ARMCX4: variants seen among roughly 807,000 people sequenced by gnomAD.
ARMCX4 encodes the protein armadillo repeat-containing X-linked protein 4.
In ARMCX4, 3 loss-of-function variants were observed where a neutral mutation model predicts 34.7. The ratio of observed to expected loss-of-function variants is 0.09; its 90% confidence interval spans 0.04 to 0.22. The LOEUF is 0.22. Ranked by LOEUF, ARMCX4 falls within the 10% of genes least tolerant of loss-of-function variation. ARMCX4 has a pLI of 1.00. For missense variants in ARMCX4, 1,448 were observed against 1,720.8 expected (o/e 0.84, Z 2.81); for synonymous variants, 513 against 632.8 (o/e 0.81, Z 2.84).
At chrX:101,531,870 A>G (rs1935136474) in exon 12 of ARMCX4, 1 of 112,012 alleles carries the variant, frequency 8.9e-6, no homozygotes, top group Non-Finnish European at 1.9e-5. Context: ...CCTCATGGAA[A>G]TGAATATGTA....
intron 2 of ARMCX4, among the ~76,000 whole-genome samples, chrX:101,421,053 G>C (rs1206964243): frequency 9.2e-6 from 1 of 109,040 alleles, no homozygotes; most frequent in Non-Finnish European, 1.9e-5. Context: ...AATACAAAAA[G>C]TTAGCCGGGC....
At chrX:101,488,406 A>G in intron 5 of ARMCX4, 38 bp from the exon 6 acceptor site, 1 of 1,080,471 alleles carries the variant, frequency 9.3e-7, no homozygotes, top group Non-Finnish European at 1.2e-6. Context: ...ACAAAATCAG[A>G]AGAGAAATTT....
rs1556011233 is a variant in ARMCX4, at chrX:101,494,518, A to G, written c.5929A>G (p.Ile1977Val). 2.6e-6 allele frequency: 3 copies of G among 1,155,735 alleles called. No homozygotes were observed. The highest frequency in any genetic ancestry group is 2.6e-5 in the Admixed American group (1 of 38,762). ...CAAAAAGTCATCTGAGTCAAGAGGC[A>G]TATATCCGTACATGGTCCCTGGGGC... The part of the protein sequence containing the change: ...KAKKSSESRG[I>V]YPYMVPGAGM... Residue 1977 changes from isoleucine (I) to valine (V), a missense_variant, in exon 6 of 6, where the codon ATA (isoleucine) becomes GTA (valine). Transcript: ENST00000423738.
At chrX:101,515,439 C>G (rs1458089714) in intron 11 of ARMCX4, among the ~76,000 whole-genome samples, 2 of 50,758 alleles carry the variant, frequency 3.9e-5, no homozygotes, top group East Asian at 1.3e-3. Context: ...TCCTTCCTTC[C>G]TTCCTTCCTT....
chrX:101,533,282 A>G (rs1935166515), exon 13 of ARMCX4: 1 of 110,573 alleles, frequency 9.0e-6, no homozygotes, highest in Admixed American at 9.8e-5. Context: ...CCCCTCCTCC[A>G]TGACTCTAGC....
Position 101,495,081 on chromosome X carries a change from T to C in ARMCX4, c.6492T>C (p.Tyr2164=). Residue 2164 remains tyrosine, a synonymous_variant, in exon 6 of 6, where the codon TAT becomes TAC. Coordinates refer to ENST00000423738, the MANE Select transcript of ARMCX4 (RefSeq NM_001256155.3). The part of the protein sequence containing the change: ...TSEYQHMVTN[Y]ISEFLRLLTV... ...AATATCAGCATATGGTTACAAATTA[T>C]ATTTCAGAATTTCTTCGTTTGTTAA... The C allele has an allele frequency of 8.7e-7, 1 of 1,153,869 alleles. No individual in the cohort carries two copies.
At chrX:101,534,083 G>A (rs6621097), downstream of ARMCX4, among the ~76,000 whole-genome samples, 70 of 111,718 alleles carry the variant, frequency 6.3e-4, 1 homozygote, top group East Asian at 0.019. Flanking sequence ...CAATAGCCAT[G>A]GGAAAAGATA....
intron 11 of ARMCX4, among the ~76,000 whole-genome samples, chrX:101,521,617 A>T (rs1220241361): frequency 1.8e-5 from 2 of 109,622 alleles, no homozygotes; most frequent in Non-Finnish European, 3.8e-5. Flanking sequence ...TTTTCACAGT[A>T]TCTTTAGGTT....
chrX:101,496,207 G>A (rs782213262), downstream of ARMCX4, among the ~76,000 whole-genome samples: 5 of 110,416 alleles, frequency 4.5e-5, no homozygotes, highest in Non-Finnish European at 9.4e-5. Flanking sequence ...TGCTAAACTG[G>A]GGTGTCTGAA....
chrX:101,515,989 A>G (rs781831141), intron 11 of ARMCX4, among the ~76,000 whole-genome samples: 2 of 112,171 alleles, frequency 1.8e-5, no homozygotes, highest in Non-Finnish European at 3.8e-5. Context: ...GATTCTTTAT[A>G]GAAATAATAT....
chrX:101,441,538 A>C (rs1331480083), intron 2 of ARMCX4, among the ~76,000 whole-genome samples: 2 of 110,319 alleles, frequency 1.8e-5, no homozygotes, highest in Non-Finnish European at 1.9e-5. Flanking sequence ...AGAGCAGTAC[A>C]GATGTGTGCA....
rs782764783 is a variant in ARMCX4, at chrX:101,432,873, CAT to C, written n.165-11176_165-11175del. 3.9e-3 allele frequency among the ~76,000 whole-genome samples: 306 copies of C among 79,471 alleles called. 5 individuals carry two copies. Among genetic ancestry groups the C allele is most frequent in the African/African-American group, 0.011 (253 of 22,776 alleles). 69.0% of individuals were successfully genotyped at this position (79,471 alleles called of 115,157 possible). ...GTGTATATATACACGTATATATACA[CAT>C]ATGTATACGTGTGTATATATACGTG... is the stretch of plus-strand genomic sequence containing the variant. On this transcript the variant is annotated intron_variant and non_coding_transcript_variant, in intron 2 of 3. Coordinates refer to the ARMCX4 transcript ENST00000430461.
At position 101,420,990 on chromosome X, in the gene ARMCX4, G is replaced by A. The variant is rs1383543046; in HGVS notation, n.164+1990G>A. 1.8e-5 allele frequency among the ~76,000 whole-genome samples: 2 copies of A among 111,197 alleles called. 1 individual carries two copies. The highest frequency in any genetic ancestry group is 3.8e-5 in the Non-Finnish European group (2 of 52,952). Reference sequence around the variant, plus strand: ...AGGCAGGTGGATCACCTGAGGTCGGGCATTCGAGACCAGCCTGGCCAACCA... The same window carrying A: ...AGGCAGGTGGATCACCTGAGGTCGGACATTCGAGACCAGCCTGGCCAACCA... On this transcript the variant is annotated intron_variant and non_coding_transcript_variant, in intron 2 of 3. Transcript: ENST00000430461.
chrX:101,482,388 A>ATTCTTTTCTT (rs76465820), upstream of ARMCX4, among the ~76,000 whole-genome samples: 11 of 107,747 alleles, frequency 1.0e-4, no homozygotes, highest in African/African-American at 2.7e-4. Flanking sequence ...GGGTTTGACT[A>ATTCTTTTCTT]TTCTTTTCTT....
In ARMCX4 at chrX:101,488,612, G is replaced by T; in HGVS notation, c.23G>T (p.Gly8Val). 2 of 1,156,185 alleles carry T rather than the reference G, an allele frequency of 1.7e-6. No homozygotes were observed. Among genetic ancestry groups the T allele is most frequent in the Non-Finnish European group, 2.3e-6 (2 of 873,056 alleles). The change falls in exon 6 of 6, where the codon GGC becomes GTC. Residue 8 changes from glycine (G) to valine (V), a missense_variant. Coordinates refer to ENST00000423738, the MANE Select transcript of ARMCX4 (RefSeq NM_001256155.3). MGRIQEV[G>V]WVTAGLVIWA... ...TACATGGGCCGCATTCAGGAAGTGG[G>T]CTGGGTGACTGCAGGACTGGTGATC...
At chrX:101,433,751 T>C (rs1285332370) in intron 2 of ARMCX4, among the ~76,000 whole-genome samples, 1 of 111,057 alleles carries the variant, frequency 9.0e-6, no homozygotes, top group Non-Finnish European at 1.9e-5. Flanking sequence ...GGACAGGGCT[T>C]GGAAGTGGTG....
intron 2 of ARMCX4, among the ~76,000 whole-genome samples, chrX:101,434,723 G>C (rs189938954): frequency 3.7e-5 from 4 of 108,353 alleles, no homozygotes; most frequent in Admixed American, 2.0e-4. Flanking sequence ...TGCCATGTTG[G>C]TGTGCTGCAC....
Position 101,433,011 on chromosome X carries a change from T to TATGTATACATACACGTGTATATAC in ARMCX4, n.165-11040_165-11039insTGTATACATACACGTGTATATACA, listed in dbSNP as rs1569314996. 1.5e-3 allele frequency among the ~76,000 whole-genome samples: 125 copies of TATGTATACATACACGTGTATATAC among 86,171 alleles called. 4 individuals are homozygous for TATGTATACATACACGTGTATATAC. Among genetic ancestry groups the TATGTATACATACACGTGTATATAC allele is most frequent in the African/African-American group, 4.8e-3 (119 of 25,005 alleles). The allele number at this position is 86,171 out of a possible 115,157, so 74.8% of individuals were successfully genotyped here. Reference sequence around the variant, plus strand: ...ACATGTATACATATATGTGTATATATACACATATGTATACATACACGTGTA... The same window carrying TATGTATACATACACGTGTATATAC: ...ACATGTATACATATATGTGTATATATATGTATACATACACGTGTATATACACACATATGTATACATACACGTGTA... On this transcript the variant is annotated intron_variant and non_coding_transcript_variant, in intron 2 of 3. Transcript: ENST00000430461.
chrX:101,502,320 C>T (rs1314544311), intron 7 of ARMCX4, among the ~76,000 whole-genome samples: 1 of 112,355 alleles, frequency 8.9e-6, no homozygotes, highest in Non-Finnish European at 1.9e-5. Flanking sequence ...TGGCTCACTG[C>T]AGCCTTGACC....
Sources: gnomAD v4.1 joint callset for allele counts (sites outside exome capture counted in the v4.1 genomes callset) on GRCh38, gnomAD v4.1.1 for gene constraint, MANE v1.5 for transcripts, NCBI Gene and HGNC (gene_info 2026-07-23, HGNC 2026-07-21) for gene names.